The following PRKCZ variants were observed in gnomAD, a reference collection of about 807,000 sequenced individuals.
The protein encoded by PRKCZ is protein kinase C zeta type.
Under a neutral mutation model 79.5 loss-of-function variants are expected in PRKCZ, and 33 were observed. The observed-to-expected ratio is 0.41, with a 90% CI of 0.31 to 0.55. PRKCZ has a LOEUF of 0.55. PRKCZ is among the 20% of genes least tolerant of loss of function. The pLI is 0.19. For missense variants in PRKCZ, 578 were observed against 813.5 expected, an observed-to-expected ratio of 0.71 and a Z score of 3.52; for synonymous variants, 342 against 320.9, an observed-to-expected ratio of 1.07 and a Z score of -0.70.
intron 16 of PRKCZ, 123 bp from the exon 17 acceptor site, chr1:2,184,460 T>G (rs958376916): frequency 5.9e-6 from 4 of 677,080 alleles, no homozygotes; most frequent in Non-Finnish European, 1.0e-5. Context: ...AGTCAAATAC[T>G]AGGCAGATTG....
At chr1:2,160,468 C>G (rs997779547) in intron 10 of PRKCZ, among the ~76,000 whole-genome samples, 1 of 152,084 alleles carries the variant, frequency 6.6e-6, no homozygotes, top group Non-Finnish European at 1.5e-5. Flanking sequence ...TCATGGGGGA[C>G]AGGCCTGTGG....
chr1:2,114,753 A>G (rs1670401805), intron 4 of PRKCZ, among the ~76,000 whole-genome samples: 1 of 152,132 alleles, frequency 6.6e-6, no homozygotes, highest in Non-Finnish European at 1.5e-5. Flanking sequence ...CAGCCTGGTG[A>G]CAGAGCGAGA....
chr1:2,135,226 C>T lies in PRKCZ; in HGVS notation c.335-36C>T, dbSNP rs567567461. 1.3e-5 allele frequency: 21 copies of T among 1,573,240 alleles called. 1 individual carries two copies. The highest frequency in any genetic ancestry group is 1.1e-4 in the East Asian group (5 of 44,520). On this transcript the variant is annotated intron_variant, in intron 4 of 17. Coordinates refer to ENST00000378567, the MANE Select transcript of PRKCZ (RefSeq NM_002744.6). ...ACCCTGCGTGGGCTCGTGGCTGCCA[C>T]GCTGTTTCTTTACACCTTTCTCATA...
At chr1:2,150,679 C>T (rs1338614540) in intron 8 of PRKCZ, 111 bp from the exon 9 acceptor site, 3 of 1,115,150 alleles carry the variant, frequency 2.7e-6, no homozygotes, top group Non-Finnish European at 1.3e-6. Context: ...ATCATGAGGC[C>T]CTGGGCTCTG....
intron 6 of PRKCZ, among the ~76,000 whole-genome samples, chr1:2,145,800 C>A (rs1431696528): frequency 4.6e-5 from 7 of 152,124 alleles, no homozygotes; most frequent in Admixed American, 1.3e-4. Flanking sequence ...CCTGTAGTGC[C>A]CGCTGCTCTG....
intron 16 of PRKCZ, among the ~76,000 whole-genome samples, chr1:2,176,230 C>T (rs959195216): frequency 8.5e-5 from 13 of 152,128 alleles, no homozygotes; most frequent in African/African-American, 3.1e-4. Context: ...CAGCGGGCCA[C>T]GTGATCAGGA....
At chr1:2,115,143 C>T (rs1398371907) in intron 4 of PRKCZ, among the ~76,000 whole-genome samples, 1 of 152,262 alleles carries the variant, frequency 6.6e-6, no homozygotes, top group Non-Finnish European at 1.5e-5. Context: ...GGATCCGGGG[C>T]CATCCACCCT....
intron 10 of PRKCZ, among the ~76,000 whole-genome samples, chr1:2,161,234 G>C (rs562946596): frequency 3.0e-4 from 46 of 152,346 alleles, no homozygotes; most frequent in Admixed American, 2.9e-3. Context: ...ACTTTTCATC[G>C]GGGTTGCCTA....
In PRKCZ at chr1:2,156,074, G is replaced by C; in HGVS notation, c.956G>C (p.Cys319Ser). The part of the protein sequence containing the change: ...SNPFLVGLHS[C>S]FQTTSRLFLV... ...CCCTTCCTGGTCGGATTACACTCCTGCTTCCAGACGACAAGTCGGTAAGAA... is the reference window on the plus strand; with the variant it reads ...CCCTTCCTGGTCGGATTACACTCCTCCTTCCAGACGACAAGTCGGTAAGAA... The change falls in exon 10 of 18, where the codon TGC becomes TCC. Residue 319 changes from cysteine to serine, a missense_variant. Physicochemically the swap from Cys to Ser is moderately radical, Grantham distance 112 (BLOSUM62 -1). Around this residue, in one of 4 missense-constraint regions of PRKCZ, gnomAD observed 243 missense variants for 467.0 expected, o/e 0.52. Transcript: ENST00000378567. 6.2e-7 allele frequency: 1 copy of C among 1,613,250 alleles called. No individual in the cohort carries two copies. Among genetic ancestry groups the C allele is most frequent in the Non-Finnish European group, 8.5e-7 (1 of 1,179,256 alleles).
rs540922783 is a variant in PRKCZ at position 2,165,187 on chromosome 1, A to C, written c.975-4331A>C. 2.0e-5 allele frequency among the ~76,000 whole-genome samples: 3 copies of C among 152,268 alleles called. No homozygotes were observed. The highest frequency in any genetic ancestry group is 7.2e-5 in the African/African-American group (3 of 41,558). ...GGATTCAGCTTTACCGCCTTTCCTC[A>C]TCTGCTGGTGTCTTCCTCAGAGCTT... On this transcript the variant is annotated intron_variant, in intron 10 of 17. Transcript: ENST00000378567. The surrounding 1 kb of genome is among the most constrained non-coding windows in gnomAD (Gnocchi z 4.1).
At chr1:2,090,836 C>T (rs1665370021) in intron 4 of PRKCZ, among the ~76,000 whole-genome samples, 1 of 152,242 alleles carries the variant, frequency 6.6e-6, no homozygotes, top group Non-Finnish European at 1.5e-5. Flanking sequence ...TATTTTCAGA[C>T]TTTTTTCCAA....
In PRKCZ at chr1:2,156,009, A is replaced by G. The variant is rs751921886; in HGVS notation, c.891A>G (p.Val297=). 15 of 1,613,750 alleles carry G rather than the reference A, an allele frequency of 9.3e-6. No homozygotes were observed. In the Admixed American group the frequency reaches 1.2e-4, roughly 13 times the overall value. Residue 297 remains valine (V), a synonymous_variant, in exon 10 of 18, where the codon GTA becomes GTG. Coordinates refer to ENST00000378567, the MANE Select transcript of PRKCZ (RefSeq NM_002744.6). ...LVHDDEDIDW[V]QTEKHVFEQA... is the part of the protein sequence containing the mutation. ...TTCTATTTCAGGATATTGACTGGGT[A>G]CAGACAGAGAAGCACGTGTTTGAGC... is the stretch of plus-strand genomic sequence containing the variant.
At chr1:2,180,087 C>T (rs1216687009) in intron 16 of PRKCZ, among the ~76,000 whole-genome samples, 2 of 152,170 alleles carry the variant, frequency 1.3e-5, no homozygotes, top group African/African-American at 4.8e-5. Context: ...TGGGCTGGTG[C>T]CAGCTCCACT....
rs977379725 is a variant in PRKCZ, at chr1:2,127,229, C to T, written c.335-8033C>T. Among the ~76,000 whole-genome samples, 6 of 152,376 alleles carry T rather than the reference C, an allele frequency of 3.9e-5. No individual in the cohort carries two copies. The highest frequency in any genetic ancestry group is 4.1e-4 in the South Asian group (2 of 4,826). ...GTGGTGCCCAAAACCTTTTCCAAGT[C>T]GTCTTCTGTGACTTTAGTGTTATTC... On this transcript the variant is annotated intron_variant, in intron 4 of 17. Transcript: ENST00000378567. This position sits in a 1 kb window ranked among gnomAD's most constrained non-coding sequence, Gnocchi z 5.1.
intron 3 of PRKCZ, among the ~76,000 whole-genome samples, chr1:2,058,464 C>T (rs956651653): frequency 3.9e-5 from 6 of 152,032 alleles, no homozygotes; most frequent in African/African-American, 9.7e-5. Context: ...AGTGATGGGG[C>T]GAAACCCTGT....
intron 8 of PRKCZ, 21 bp downstream of exon 8, chr1:2,148,945 G>T: frequency 6.2e-7 from 1 of 1,611,876 alleles, no homozygotes; most frequent in Non-Finnish European, 8.5e-7. Context: ...GGAGCAGCTC[G>T]CTGCCATTTC....
chr1:2,184,716 C>A lies in PRKCZ; in HGVS notation c.1691+18C>A, dbSNP rs771601445. 6.2e-6 allele frequency: 10 copies of A among 1,604,186 alleles called. No homozygotes were observed. Among genetic ancestry groups the A allele is most frequent in the Admixed American group, 1.7e-5 (1 of 58,918 alleles). On this transcript the variant is annotated intron_variant, in intron 17 of 17. Transcript: ENST00000378567. ...GACGATGAGTGAGTCCCACTGGGTG[C>A]GGGTCCCTGGAGCACCCCTCGGGCA...
chr1:2,091,189 G>T (rs1233570569), intron 4 of PRKCZ, among the ~76,000 whole-genome samples: 4 of 152,118 alleles, frequency 2.6e-5, no homozygotes, highest in Non-Finnish European at 1.5e-5. Context: ...TTGCCACCAT[G>T]CCCGGCTAAT....
rs1674425952 is a variant in PRKCZ at position 2,128,818 on chromosome 1, T to C, written c.335-6444T>C. Among the ~76,000 whole-genome samples, 1 of 152,168 alleles carries C rather than the reference T, an allele frequency of 6.6e-6. No homozygotes were observed. Among genetic ancestry groups the C allele is most frequent in the Non-Finnish European group, 1.5e-5 (1 of 68,028 alleles). ...CCCCCGGAAGGACCTCCTGCTAACC[T>C]GGGCTTGACTTTGAGACCCTGTTCC... is the stretch of plus-strand genomic sequence containing the variant. On this transcript the variant is annotated intron_variant, in intron 4 of 17. Transcript: ENST00000378567. This position sits in a 1 kb window ranked among gnomAD's most constrained non-coding sequence, Gnocchi z 6.5.
Sources: allele counts gnomAD v4.1 joint callset (sites outside exome capture counted in the v4.1 genomes callset), GRCh38; gene constraint gnomAD v4.1.1; regional missense constraint gnomAD v4.1.1; non-coding constraint Gnocchi (gnomAD v3.1); transcripts MANE v1.5; gene names NCBI Gene and HGNC (gene_info 2026-07-23, HGNC 2026-07-21).